Variants in DAB1 observed in about 807,000 individuals in gnomAD.
The protein encoded by DAB1 is DAB adaptor protein 1.
A neutral mutation model predicts 64.6 loss-of-function variants in DAB1; 15 were observed. The ratio of observed to expected loss-of-function variants is 0.23; its 90% CI spans 0.16 to 0.36. The LOEUF is 0.36. Among genes scored for constraint, DAB1 ranks in the 10% least tolerant of loss-of-function variants. DAB1 has a pLI of 1.00. For synonymous variants in DAB1, 235 were observed against 251.9 expected (o/e 0.93, Z 0.64); for missense variants, 596 against 706.7 (o/e 0.84, Z 1.78).
chr1:57,864,073 G>T (rs75899572), intron 1 of DAB1, among the ~76,000 whole-genome samples: 1 of 152,114 alleles, frequency 6.6e-6, no homozygotes, highest in East Asian at 1.9e-4. Context: ...GTGCTAGGAC[G>T]AAAAAGGAGA....
At chr1:57,087,632 C>T (rs1339015637) in intron 4 of DAB1, among the ~76,000 whole-genome samples, 1 of 152,176 alleles carries the variant, frequency 6.6e-6, no homozygotes, top group Non-Finnish European at 1.5e-5. Context: ...ATGTGGAAGC[C>T]TGTGCCTGTC....
At chr1:58,445,444 C>G (rs1170348587) in intron 3 of DAB1, among the ~76,000 whole-genome samples, 2 of 152,220 alleles carry the variant, frequency 1.3e-5, no homozygotes, top group Admixed American at 1.3e-4. Context: ...AGGCACTGCC[C>G]TCTGTCCCCA....
chr1:57,340,065 C>A (rs1677445258), intron 1 of DAB1, among the ~76,000 whole-genome samples: 1 of 152,114 alleles, frequency 6.6e-6, no homozygotes, highest in African/African-American at 2.4e-5. Flanking sequence ...TGCCAGGGAG[C>A]AGAAGCAAAA....
At chr1:57,290,840 C>A (rs1253034044) in intron 2 of DAB1, 124 bp downstream of exon 2, 3 of 578,434 alleles carry the variant, frequency 5.2e-6, no homozygotes, top group Non-Finnish European at 3.0e-6. Context: ...ACACAAAACA[C>A]ACAAAATAAC....
intron 9 of DAB1, among the ~76,000 whole-genome samples, chr1:57,057,693 T>C (rs551570341): frequency 4.8e-4 from 72 of 151,572 alleles, no homozygotes; most frequent in Middle Eastern, 3.4e-3. Flanking sequence ...CTGCAAGCTC[T>C]GCCTCCCGGG....
intron 5 of DAB1, among the ~76,000 whole-genome samples, chr1:58,147,358 C>T (rs1654658975): frequency 7.0e-6 from 1 of 142,044 alleles, no homozygotes; most frequent in Admixed American, 7.3e-5. Context: ...GTGGCTCATG[C>T]CTGTAATCCC....
chr1:58,449,424 C>T (rs1462575073), intron 3 of DAB1, among the ~76,000 whole-genome samples: 1 of 152,156 alleles, frequency 6.6e-6, no homozygotes, highest in Non-Finnish European at 1.5e-5. Context: ...AAAGCCTACA[C>T]TACTGCAAAT....
At position 58,296,168 on chromosome 1, in the gene DAB1, A is replaced by AAG. The variant is rs1343464529; in HGVS notation, n.309+47182_309+47183dup. Among the ~76,000 whole-genome samples the AAG allele has an allele frequency of 6.4e-5, 8 of 125,778 alleles. 2 individuals carry two copies. The highest frequency in any genetic ancestry group is 1.2e-4 in the Non-Finnish European group (7 of 56,632). 82.5% of individuals were successfully genotyped at this position (125,778 alleles called of 152,430 possible). A position where few individuals can be genotyped will look rare whatever the true frequency, so the allele number is the denominator to read the frequency against. On this transcript the variant is annotated intron_variant and non_coding_transcript_variant, in intron 4 of 20. Transcript: ENST00000485760. ...GAAAGAAAGAAAAAAGAAAGAAAGA[A>AAG]AGAAAAAAGAAAGAAAGAGAAAGAA...
At chr1:57,276,282 C>A (rs987408725) in intron 2 of DAB1, among the ~76,000 whole-genome samples, 2 of 152,228 alleles carry the variant, frequency 1.3e-5, no homozygotes, top group South Asian at 2.1e-4. Context: ...CCATTAAAAT[C>A]GACCAGGATT....
Position 57,963,836 on chromosome 1 carries a change from G to A in DAB1, n.388-79674C>T, listed in dbSNP as rs74837144. On this transcript the variant is annotated intron_variant and non_coding_transcript_variant, in intron 5 of 20. Coordinates refer to the DAB1 transcript ENST00000485760. The stretch of plus-strand genomic sequence containing the variant: ...GTATAATGAATGCCGCACACATTTG[G>A]CAGTGCTTCTGTGCACCGTGTCATT... Among the ~76,000 whole-genome samples, 37 of 152,272 alleles carry A rather than the reference G, an allele frequency of 2.4e-4. No homozygotes were observed. In the East Asian group the frequency reaches 7.0e-3, roughly 29 times the overall value.
chr1:58,441,941 G>A (rs959921471), intron 3 of DAB1, among the ~76,000 whole-genome samples: 1 of 152,148 alleles, frequency 6.6e-6, no homozygotes, highest in Non-Finnish European at 1.5e-5. Flanking sequence ...GAAAGAGACC[G>A]AGGGGGCGAG....
At chr1:57,735,985 A>G (rs1183064711) in intron 6 of DAB1, among the ~76,000 whole-genome samples, 2 of 152,190 alleles carry the variant, frequency 1.3e-5, no homozygotes, top group Non-Finnish European at 2.9e-5. Context: ...CAAGTCCTCA[A>G]GGAATTTCAT....
At chr1:58,329,297 C>A (rs1662917582) in intron 4 of DAB1, among the ~76,000 whole-genome samples, 1 of 152,084 alleles carries the variant, frequency 6.6e-6, no homozygotes, top group Non-Finnish European at 1.5e-5. Context: ...TGATTTTTAA[C>A]CTGATTTCTT....
intron 7 of DAB1, among the ~76,000 whole-genome samples, chr1:57,435,903 T>A (rs532079482): frequency 5.6e-5 from 8 of 142,322 alleles, no homozygotes; most frequent in Non-Finnish European, 1.3e-4. Context: ...TGTGCTAGAC[T>A]TTTTTTTTCT....
At chr1:57,381,587 C>A (rs946692185) in intron 1 of DAB1, among the ~76,000 whole-genome samples, 3 of 152,062 alleles carry the variant, frequency 2.0e-5, no homozygotes, top group African/African-American at 7.2e-5. Context: ...GAAGCAGCCC[C>A]GTCACATCCT....
At chr1:57,452,165 C>G (rs920332439) in intron 7 of DAB1, among the ~76,000 whole-genome samples, 1 of 73,118 alleles carries the variant, frequency 1.4e-5, no homozygotes, top group Non-Finnish European at 2.6e-5. Flanking sequence ...CTGCACCCCC[C>G]CTTTTTTTTT....
intron 5 of DAB1, among the ~76,000 whole-genome samples, chr1:57,900,484 C>A (rs968336121): frequency 6.6e-6 from 1 of 152,198 alleles, no homozygotes; most frequent in Non-Finnish European, 1.5e-5. Flanking sequence ...GGAGTTTGCA[C>A]GGCAGAGGCC....
At chr1:58,323,728 A>T (rs1662749885) in intron 4 of DAB1, among the ~76,000 whole-genome samples, 1 of 152,102 alleles carries the variant, frequency 6.6e-6, no homozygotes, top group Non-Finnish European at 1.5e-5. Flanking sequence ...GATCGAGACC[A>T]TCCTGGCTAA....
intron 6 of DAB1, among the ~76,000 whole-genome samples, chr1:57,778,767 G>C (rs754116760): frequency 6.6e-6 from 1 of 152,074 alleles, no homozygotes; most frequent in Non-Finnish European, 1.5e-5. Flanking sequence ...ACGTAGGAGA[G>C]TTGTAATGAC....
Sources: allele counts gnomAD v4.1 joint callset (sites outside exome capture counted in the v4.1 genomes callset), GRCh38; gene constraint gnomAD v4.1.1; transcripts MANE v1.5; gene names NCBI Gene and HGNC (gene_info 2026-07-23, HGNC 2026-07-21).